PRSS56: variants seen among roughly 807,000 people sequenced by gnomAD.
The protein encoded by PRSS56 is protease, serine 56.
PRSS56 carries 55 observed loss-of-function variants against 66.8 expected under a neutral mutation model. The ratio of observed to expected loss-of-function variants is 0.82; its 90% CI spans 0.66 to 1.03. The LOEUF (loss-of-function observed/expected upper bound fraction) is 1.03. PRSS56 is among the 50% of genes least tolerant of loss of function. PRSS56 has a pLI of 0.00. For missense variants in PRSS56, 869 were observed against 837.2 expected (o/e 1.04, Z -0.47); for synonymous variants, 409 against 387.9 (o/e 1.05, Z -0.64).
intron 10 of PRSS56, 42 bp from the exon 11 acceptor site, chr2:232,524,265 C>T (rs1691354840): frequency 6.5e-7 from 1 of 1,535,386 alleles, no homozygotes; most frequent in African/African-American, 1.4e-5. Flanking sequence ...GGCACAGCCA[C>T]TTTCTCCGCC....
At chr2:232,524,465 C>T (rs912127317) in intron 11 of PRSS56, 96 bp downstream of exon 11, 6 of 1,219,614 alleles carry the variant, frequency 4.9e-6, no homozygotes, top group Non-Finnish European at 6.8e-6. Context: ...AGGGCTTACC[C>T]CATGGGGCAA....
Position 232,525,198 on chromosome 2 carries a change from C to T in PRSS56, c.1522-18C>T. On this transcript the variant is annotated intron_variant, in intron 12 of 12. Coordinates refer to ENST00000617714, the MANE Select transcript of PRSS56 (RefSeq NM_001195129.2). The stretch of plus-strand genomic sequence containing the variant: ...GAGTGAGTTTCTGGGCCCCTGATCC[C>T]CACTCCTCCATCTGTAGGTCCTGGC... 1.4e-6 allele frequency: 2 copies of T among 1,453,518 alleles called. No homozygotes were observed. Among genetic ancestry groups the T allele is most frequent in the Non-Finnish European group, 1.8e-6 (2 of 1,105,598 alleles). 90.0% of individuals were successfully genotyped at this position (1,453,518 alleles called of 1,614,324 possible).
Position 232,523,131 on chromosome 2 carries a change from C to G in PRSS56, c.778C>G (p.Leu260Val). The G allele has an allele frequency of 6.5e-7, 1 of 1,533,840 alleles. No homozygotes were observed. Residue 260 changes from leucine (L) to valine (V), a missense_variant, in exon 7 of 13, where the codon CTG becomes GTG. Around this residue, in one of 3 missense-constraint regions of PRSS56, gnomAD observed 551 missense variants for 506.9 expected, o/e 1.09. Transcript: ENST00000617714. ...LLSTDTCRRA[L>V]GPGLRPSTML... is the part of the protein sequence containing the mutation. Reference sequence around the variant, plus strand: ...CAGCACCGACACCTGCCGAAGAGCCCTGGGGCCCGGGCTGCGCCCCAGCAC... The same window carrying G: ...CAGCACCGACACCTGCCGAAGAGCCGTGGGGCCCGGGCTGCGCCCCAGCAC...
In PRSS56 at chr2:232,524,030, G is replaced by C. The variant is rs1051925760; in HGVS notation, c.1187-9G>C. On this transcript the variant is annotated splice_polypyrimidine_tract_variant and intron_variant, in intron 9 of 12. Transcript: ENST00000617714. Reference sequence around the variant, plus strand: ...CTGACCGCCGCTCCGACTCCTGTCCGGTCCGCAGAGCTGCGCTCGCTGGCG... The same window carrying C: ...CTGACCGCCGCTCCGACTCCTGTCCCGTCCGCAGAGCTGCGCTCGCTGGCG... 54 of 1,525,370 alleles carry C rather than the reference G, an allele frequency of 3.5e-5. No homozygotes were observed. Among genetic ancestry groups the C allele is most frequent in the Non-Finnish European group, 4.4e-5 (50 of 1,143,368 alleles). 94.5% of individuals were successfully genotyped at this position (1,525,370 alleles called of 1,614,324 possible). A position where few individuals can be genotyped will look rare whatever the true frequency, so the allele number is the denominator to read the frequency against.
rs962090842 is a variant in PRSS56, at chr2:232,523,166, C to T, written c.813C>T (p.Cys271=). The change falls in exon 7 of 13, where the codon TGC becomes TGT. Residue 271 remains cysteine, a synonymous_variant. Transcript: ENST00000617714. ...GGCTGCGCCCCAGCACCATGCTCTG[C>T]GCCGGGTACCTGGCGGGGGGCGTTG... ...GPGLRPSTML[C]AGYLAGGVDS... 5.3e-6 allele frequency: 8 copies of T among 1,497,588 alleles called. No individual in the cohort carries two copies. Among genetic ancestry groups the T allele is most frequent in the Admixed American group, 2.3e-5 (1 of 44,220 alleles). 92.8% of individuals were successfully genotyped at this position (1,497,588 alleles called of 1,614,324 possible).
chr2:232,525,258 A>G lies in PRSS56; in HGVS notation c.1564A>G (p.Arg522Gly). Reference protein sequence around the residue: ...LGSKTLTGLFRAWVRAGLGGR... With the variant: ...LGSKTLTGLFGAWVRAGLGGR... ...CTCCAAGACACTGACCGGGCTTTTC[A>G]GAGCCTGGGTGCGGGCAGGCTTGGG... Residue 522 changes from arginine (R) to glycine (G), a missense_variant, in exon 13 of 13, where the codon AGA becomes GGA. This residue lies in a region of PRSS56 where 551 missense variants were observed against 506.9 expected (regional missense o/e 1.09). Coordinates refer to ENST00000617714, the MANE Select transcript of PRSS56 (RefSeq NM_001195129.2). 6.6e-7 allele frequency: 1 copy of G among 1,515,860 alleles called. No homozygotes were observed. Among genetic ancestry groups the G allele is most frequent in the Non-Finnish European group, 8.8e-7 (1 of 1,135,476 alleles). 93.9% of individuals were successfully genotyped at this position (1,515,860 alleles called of 1,614,324 possible). A position where few individuals can be genotyped will look rare whatever the true frequency, so the allele number is the denominator to read the frequency against.
At position 232,525,279 on chromosome 2, in the gene PRSS56, T is replaced by G. The variant is rs1361329945; in HGVS notation, c.1585T>G (p.Leu529Val). ...TTTCAGAGCCTGGGTGCGGGCAGGCTTGGGGGGCCGGCATGTGGCCTTCAG... is the reference window on the plus strand; with the variant it reads ...TTTCAGAGCCTGGGTGCGGGCAGGCGTGGGGGGCCGGCATGTGGCCTTCAG... ...GLFRAWVRAG[L>V]GGRHVAFSGL... The change falls in exon 13 of 13, where the codon TTG becomes GTG. Residue 529 changes from leucine (L) to valine (V), a missense_variant. This residue lies in a region of PRSS56 where 551 missense variants were observed against 506.9 expected (regional missense o/e 1.09). Coordinates refer to ENST00000617714, the MANE Select transcript of PRSS56 (RefSeq NM_001195129.2). 6.6e-7 allele frequency: 1 copy of G among 1,522,188 alleles called. No individual in the cohort carries two copies. Among genetic ancestry groups the G allele is most frequent in the Non-Finnish European group, 8.8e-7 (1 of 1,138,482 alleles). 94.3% of individuals were successfully genotyped at this position (1,522,188 alleles called of 1,614,324 possible).
chr2:232,523,700 C>CT, intron 8 of PRSS56, 72 bp from the exon 9 acceptor site: 1 of 1,526,996 alleles, frequency 6.5e-7, no homozygotes, highest in Non-Finnish European at 8.8e-7. Flanking sequence ...AGCCTGTCTC[C>CT]TTCCGGGGAA....
At chr2:232,524,683 C>A in intron 11 of PRSS56, 55 bp from the exon 12 acceptor site, 1 of 1,301,176 alleles carries the variant, frequency 7.7e-7, no homozygotes, top group African/African-American at 1.5e-5. Context: ...GAGTGCCACC[C>A]CCAGTTCCAT....
chr2:232,522,345 T>C (rs1691299873), intron 4 of PRSS56, among the ~76,000 whole-genome samples, 170 bp from the exon 5 acceptor site: 1 of 151,674 alleles, frequency 6.6e-6, no homozygotes, highest in Non-Finnish European at 1.5e-5. Flanking sequence ...CCGGAGGGGG[T>C]GGCACGGCCG....
Position 232,520,476 on chromosome 2 carries a change from A to T in PRSS56, c.-123A>T, listed in dbSNP as rs1010282709. The stretch of plus-strand genomic sequence containing the variant: ...AGAACGGGGTCAGATGATTTGAGGG[A>T]CAAGAATTCAGTGCCCGGGGGCCGA... On this transcript the variant is annotated 5_prime_UTR_variant, in exon 1 of 13. Transcript: ENST00000617714. 1.8e-5 allele frequency: 14 copies of T among 765,868 alleles called. No individual in the cohort carries two copies. Among genetic ancestry groups the T allele is most frequent in the Non-Finnish European group, 3.1e-5 (14 of 447,070 alleles). 47.4% of individuals were successfully genotyped at this position (765,868 alleles called of 1,614,324 possible).
chr2:232,524,743 C>A lies in PRSS56; in HGVS notation c.1420C>A (p.Pro474Thr), dbSNP rs1454496389. Residue 474 changes from proline to threonine, a missense_variant, in exon 12 of 13, where the codon CCT (proline) becomes ACT (threonine). Pro to Thr is a conservative substitution (Grantham distance 38). Around this residue, in one of 3 missense-constraint regions of PRSS56, gnomAD observed 551 missense variants for 506.9 expected, o/e 1.09. Coordinates refer to ENST00000617714, the MANE Select transcript of PRSS56 (RefSeq NM_001195129.2). ...GGCCTCTCCTCTTCCTCCAGGCTGC[C>A]CTGGGCTGGAGCCCCTGCGACAGAA... is the stretch of plus-strand genomic sequence containing the variant. Reference protein sequence around the residue: ...PEPRGEANGCPGLEPLRQKLA... With the variant: ...PEPRGEANGCTGLEPLRQKLA... 6 of 1,523,446 alleles carry A rather than the reference C, an allele frequency of 3.9e-6. No homozygotes were observed. Among genetic ancestry groups the A allele is most frequent in the Non-Finnish European group, 5.3e-6 (6 of 1,137,262 alleles). The allele number at this position is 1,523,446 out of a possible 1,614,324, so 94.4% of individuals were successfully genotyped here.
In PRSS56 at chr2:232,523,828, G is replaced by C; in HGVS notation, c.1069G>C (p.Glu357Gln). ...RELLAWDPPQ[E>Q]LQADAARLCA... is the part of the protein sequence containing the mutation. Reference sequence around the variant, plus strand: ...GCTTCTGGCCTGGGACCCCCCCCAGGAGCTGCAGGCAGACGCCGCCCGGCT... The same window carrying C: ...GCTTCTGGCCTGGGACCCCCCCCAGCAGCTGCAGGCAGACGCCGCCCGGCT... Residue 357 changes from glutamate to glutamine, a missense_variant, in exon 9 of 13, where the codon GAG becomes CAG. Coordinates refer to ENST00000617714, the MANE Select transcript of PRSS56 (RefSeq NM_001195129.2). The C allele has an allele frequency of 6.5e-7, 1 of 1,533,578 alleles. No homozygotes were observed. Among genetic ancestry groups the C allele is most frequent in the Non-Finnish European group, 8.7e-7 (1 of 1,146,428 alleles). The allele number at this position is 1,533,578 out of a possible 1,614,324, so 95.0% of individuals were successfully genotyped here. A position where few individuals can be genotyped will look rare whatever the true frequency, so the allele number is the denominator to read the frequency against.
chr2:232,520,719 C>A, intron 1 of PRSS56, 24 bp downstream of exon 1: 4 of 1,477,106 alleles, frequency 2.7e-6, no homozygotes, highest in Non-Finnish European at 3.6e-6. Context: ...GGCCCGAGAG[C>A]CGCGGGGTTG....
In PRSS56 at chr2:232,524,758, C is replaced by T; in HGVS notation, c.1435C>T (p.Leu479=). 3 of 1,529,902 alleles carry T rather than the reference C, an allele frequency of 2.0e-6. No individual in the cohort carries two copies. Among genetic ancestry groups the T allele is most frequent in the Non-Finnish European group, 2.6e-6 (3 of 1,142,288 alleles). The allele number at this position is 1,529,902 out of a possible 1,614,324, so 94.8% of individuals were successfully genotyped here. A position where few individuals can be genotyped will look rare whatever the true frequency, so the allele number is the denominator to read the frequency against. The part of the protein sequence containing the change: ...EANGCPGLEP[L]RQKLAALQGA... ...TCCAGGCTGCCCTGGGCTGGAGCCC[C>T]TGCGACAGAAGTTGGCTGCCCTGCA... The change falls in exon 12 of 13, where the codon CTG becomes TTG. Residue 479 remains leucine, a synonymous_variant. Coordinates refer to ENST00000617714, the MANE Select transcript of PRSS56 (RefSeq NM_001195129.2).
In PRSS56 at chr2:232,523,493, G is replaced by A. The variant is rs1344570915; in HGVS notation, c.927G>A (p.Trp309Ter). The A allele has an allele frequency of 6.5e-7, 1 of 1,530,976 alleles. No homozygotes were observed. The highest frequency in any genetic ancestry group is 8.7e-7 in the Non-Finnish European group (1 of 1,144,500). The allele number at this position is 1,530,976 out of a possible 1,614,324, so 94.8% of individuals were successfully genotyped here. A position where few individuals can be genotyped will look rare whatever the true frequency, so the allele number is the denominator to read the frequency against. The change falls in exon 8 of 13, where the codon TGG becomes TGA. Residue 309 changes from tryptophan (W) to a stop codon, truncating the protein, a stop_gained. Transcript: ENST00000617714. LOFTEE classifies it high-confidence loss of function. ...PREVLFGVTS[W>*]GDGCGEPGKP... ...AGGTCCTGTTCGGAGTCACCTCCTGGGGGGACGGCTGCGGGGAGCCAGGGA... is the reference window on the plus strand; with the variant it reads ...AGGTCCTGTTCGGAGTCACCTCCTGAGGGGACGGCTGCGGGGAGCCAGGGA...
chr2:232,523,730 C>A, intron 8 of PRSS56, 42 bp from the exon 9 acceptor site: 1 of 1,533,488 alleles, frequency 6.5e-7, no homozygotes, highest in Non-Finnish European at 8.7e-7. Flanking sequence ...GGGCTAGGGC[C>A]CCAAACAGAG....
At chr2:232,522,209 C>A in intron 4 of PRSS56, 49 bp downstream of exon 4, 1 of 1,380,918 alleles carries the variant, frequency 7.2e-7, no homozygotes, top group Non-Finnish European at 9.5e-7. Context: ...CGGCGCTGGG[C>A]CCCGCACCTG....
In PRSS56 at chr2:232,524,291, C is replaced by T. The variant is rs868803604; in HGVS notation, c.1352-16C>T. 4.6e-6 allele frequency: 7 copies of T among 1,535,766 alleles called. 1 individual carries two copies. In the African/African-American group the frequency reaches 6.8e-5, roughly 15 times the overall value. On this transcript the variant is annotated splice_polypyrimidine_tract_variant and intron_variant, in intron 10 of 12. Coordinates refer to ENST00000617714, the MANE Select transcript of PRSS56 (RefSeq NM_001195129.2). ...TTTCTCCGCCGAGGCGGTACCCTAA[C>T]CCTGTGCCTCCCCAGGATCGCGGGC...
Sources: gnomAD v4.1 joint callset for allele counts (sites outside exome capture counted in the v4.1 genomes callset) on GRCh38, gnomAD v4.1.1 for gene constraint, gnomAD v4.1.1 regional missense constraint, MANE v1.5 for transcripts, NCBI Gene and HGNC (gene_info 2026-07-23, HGNC 2026-07-21) for gene names.